Variants in CPEB3 observed in about 807,000 individuals in gnomAD.
The protein encoded by CPEB3 is cytoplasmic polyadenylation element binding protein 3.
In CPEB3, 20 loss-of-function variants were observed where a neutral mutation model predicts 67.2. That is an observed-to-expected ratio of 0.30 (90% confidence interval 0.21 to 0.43). The LOEUF (loss-of-function observed/expected upper bound fraction) is 0.43, where lower values mean the gene tolerates loss of function less well. Among genes scored for constraint, CPEB3 ranks in the 20% least tolerant of loss-of-function variants. The pLI is 1.00. For missense variants in CPEB3, 746 were observed against 968.6 expected, an observed-to-expected ratio of 0.77 and a Z score of 3.05; for synonymous variants, 376 against 393.1, an observed-to-expected ratio of 0.96 and a Z score of 0.51.
chr10:92,102,833 C>G (rs1257557895), intron 7 of CPEB3, among the ~76,000 whole-genome samples: 1 of 152,330 alleles, frequency 6.6e-6, no homozygotes, highest in East Asian at 1.9e-4. Flanking sequence ...TCTAATACTT[C>G]TATCCAGCTA....
chr10:92,145,787 A>T (rs1020333386), intron 4 of CPEB3, among the ~76,000 whole-genome samples: 56 of 152,200 alleles, frequency 3.7e-4, no homozygotes, highest in African/African-American at 1.3e-3. Context: ...TAAATGGACA[A>T]AGTAATCTCT....
intron 1 of CPEB3, among the ~76,000 whole-genome samples, chr10:92,289,498 C>T (rs181700935): frequency 3.3e-5 from 5 of 150,594 alleles, no homozygotes; most frequent in African/African-American, 7.3e-5. Flanking sequence ...GTCAAGACAG[C>T]GCCACTGCAC....
At chr10:92,250,404 AT>A (rs1852243769) in intron 1 of CPEB3, among the ~76,000 whole-genome samples, 1 of 152,104 alleles carries the variant, frequency 6.6e-6, no homozygotes, top group South Asian at 2.1e-4. Context: ...TAAAAAAAAA[AT>A]TTAAAAGTTT....
rs909091508 is a variant in CPEB3 at position 92,146,402 on chromosome 10, A to G, written c.1223-1317T>C. Among the ~76,000 whole-genome samples, 12 of 152,058 alleles carry G rather than the reference A, an allele frequency of 7.9e-5. No individual in the cohort carries two copies. In the South Asian group the frequency reaches 8.3e-4, roughly 11 times the overall value. On this transcript the variant is annotated intron_variant, in intron 4 of 9. Transcript: ENST00000265997. ...ATTAGAGTACTCTAACTTTTGGGGG[A>G]AAAAAGGAAAATTCCCCTCTAAAAT...
chr10:92,058,605 A>ATG (rs1842211859), intron 9 of CPEB3, among the ~76,000 whole-genome samples: 3 of 150,392 alleles, frequency 2.0e-5, no homozygotes, highest in Admixed American at 2.0e-4. Flanking sequence ...ATATATATAT[A>ATG]TATAAATTAA....
intron 8 of CPEB3, among the ~76,000 whole-genome samples, chr10:92,082,796 C>T (rs944416430): frequency 2.0e-5 from 3 of 152,074 alleles, no homozygotes; most frequent in Admixed American, 2.0e-4. Flanking sequence ...GAACCTGTTT[C>T]AACACCTATA....
chr10:92,229,504 A>C (rs191857726), intron 2 of CPEB3, among the ~76,000 whole-genome samples: 84 of 152,350 alleles, frequency 5.5e-4, no homozygotes, highest in African/African-American at 1.9e-3. Flanking sequence ...ATAAAGAAAA[A>C]TCTAACTCTT....
chr10:92,242,632 C>T (rs955813271), intron 1 of CPEB3, among the ~76,000 whole-genome samples: 1 of 152,136 alleles, frequency 6.6e-6, no homozygotes, highest in Non-Finnish European at 1.5e-5. Flanking sequence ...TTTCCGGTTG[C>T]TTGTATCAAT....
intron 2 of CPEB3, among the ~76,000 whole-genome samples, chr10:92,205,503 G>C (rs1849743346): frequency 1.6e-5 from 2 of 124,064 alleles, no homozygotes; most frequent in Non-Finnish European, 3.2e-5. Context: ...TTGAGACGGA[G>C]TCTCACTCTG....
At chr10:92,280,667 A>G (rs1217365028) in intron 1 of CPEB3, among the ~76,000 whole-genome samples, 1 of 150,086 alleles carries the variant, frequency 6.7e-6, no homozygotes. Context: ...AAAAAAAAAA[A>G]AAAACCAAAC....
intron 1 of CPEB3, among the ~76,000 whole-genome samples, chr10:92,270,901 G>T (rs941167670): frequency 7.2e-5 from 11 of 152,090 alleles, no homozygotes; most frequent in Non-Finnish European, 1.5e-4. Flanking sequence ...TTTTGGCCAG[G>T]CATGATGGTT....
intron 2 of CPEB3, among the ~76,000 whole-genome samples, chr10:92,203,174 C>G (rs1477114721): frequency 6.6e-6 from 1 of 151,224 alleles, no homozygotes; most frequent in Non-Finnish European, 1.5e-5. Flanking sequence ...ATCTCCGGAC[C>G]TCATGATCTA....
Position 92,049,648 on chromosome 10 carries a change from C to A in CPEB3, c.*2564G>T, listed in dbSNP as rs192979482. ...ACCATCTATTCACAACTTTCAGCACCAAATGGAGTTTATTTTTTGTAACCT... is the reference window on the plus strand; with the variant it reads ...ACCATCTATTCACAACTTTCAGCACAAAATGGAGTTTATTTTTTGTAACCT... On this transcript the variant is annotated 3_prime_UTR_variant, in exon 10 of 10. Coordinates refer to ENST00000265997, the MANE Select transcript of CPEB3 (RefSeq NM_014912.5). 50 of 152,650 alleles carry A rather than the reference C, an allele frequency of 3.3e-4. No homozygotes were observed. Among genetic ancestry groups the A allele is most frequent in the African/African-American group, 1.2e-3 (49 of 41,540 alleles). 9.5% of individuals were successfully genotyped at this position (152,650 alleles called of 1,614,324 possible). A position where few individuals can be genotyped will look rare whatever the true frequency, so the allele number is the denominator to read the frequency against.
At chr10:92,226,949 G>A (rs371066646) in intron 2 of CPEB3, among the ~76,000 whole-genome samples, 1 of 152,128 alleles carries the variant, frequency 6.6e-6, no homozygotes, top group South Asian at 2.1e-4. Context: ...AGCGCCTCCT[G>A]ACTGAGCCCC....
At chr10:92,286,958 C>A (rs1324975920) in intron 1 of CPEB3, among the ~76,000 whole-genome samples, 2 of 152,020 alleles carry the variant, frequency 1.3e-5, no homozygotes, top group Admixed American at 6.6e-5. Flanking sequence ...GCCTATAATC[C>A]CAACTCTTTA....
At chr10:92,268,352 G>A (rs1280404942) in intron 1 of CPEB3, among the ~76,000 whole-genome samples, 1 of 152,094 alleles carries the variant, frequency 6.6e-6, no homozygotes, top group African/African-American at 2.4e-5. Context: ...TCTAGTCTGG[G>A]TGATGTGGCT....
intron 2 of CPEB3, among the ~76,000 whole-genome samples, chr10:92,225,727 A>G (rs1850937721): frequency 6.6e-6 from 1 of 152,250 alleles, no homozygotes; most frequent in Non-Finnish European, 1.5e-5. Context: ...TGTAAATTAC[A>G]TTACACAGAC....
At chr10:92,071,469 C>A (rs1842750604) in intron 9 of CPEB3, among the ~76,000 whole-genome samples, 1 of 152,110 alleles carries the variant, frequency 6.6e-6, no homozygotes, top group African/African-American at 2.4e-5. Context: ...CGGTGGCTCA[C>A]ACCTGTAATC....
At chr10:92,114,105 AC>A (rs1009000442) in intron 6 of CPEB3, among the ~76,000 whole-genome samples, 3 of 151,822 alleles carry the variant, frequency 2.0e-5, no homozygotes, top group Non-Finnish European at 4.4e-5. Flanking sequence ...ACTCCCCCCA[AC>A]CCCCCAAAAT....
Sources: gnomAD v4.1 joint callset for allele counts (sites outside exome capture counted in the v4.1 genomes callset) on GRCh38, gnomAD v4.1.1 for gene constraint, MANE v1.5 for transcripts, NCBI Gene and HGNC (gene_info 2026-07-23, HGNC 2026-07-21) for gene names.